The following CYFIP2 variants were observed in gnomAD, a reference collection of about 807,000 sequenced individuals.
CYFIP2 encodes the protein cytoplasmic FMR1-interacting protein 2.
A neutral mutation model predicts 158.7 loss-of-function variants in CYFIP2; 29 were observed. The ratio of observed to expected loss-of-function variants is 0.18; its 90% confidence interval spans 0.14 to 0.25. The LOEUF (loss-of-function observed/expected upper bound fraction) is 0.25. Ranked by LOEUF, CYFIP2 falls within the 10% of genes least tolerant of loss-of-function variation. The probability of loss-of-function intolerance (pLI) is 1.00; values close to 1 mark genes in which losing one functional copy is unlikely to be tolerated. For missense variants in CYFIP2, 852 were observed against 1,639.5 expected, an observed-to-expected ratio of 0.52 and a Z score of 8.29; for synonymous variants, 585 against 617.6, an observed-to-expected ratio of 0.95 and a Z score of 0.78.
At chr5:157,316,190 T>G (rs1760130194) in intron 13 of CYFIP2, among the ~76,000 whole-genome samples, 1 of 152,208 alleles carries the variant, frequency 6.6e-6, no homozygotes, top group African/African-American at 2.4e-5. Flanking sequence ...GAACAGCATA[T>G]CTGTAGTTTT....
Position 157,361,569 on chromosome 5 carries a change from C to G in CYFIP2, c.3010C>G (p.Leu1004Val). The change falls in exon 26 of 31, where the codon CTC (leucine) becomes GTC (valine). Residue 1004 changes from leucine (L) to valine (V), a missense_variant. This residue lies in a region of CYFIP2 where 223 missense variants were observed against 381.6 expected (regional missense o/e 0.58). Transcript: ENST00000620254. This position sits in a 1 kb window ranked among gnomAD's most constrained non-coding sequence, Gnocchi z 4.4. Reference sequence around the variant, plus strand: ...CCTGAGGGAAGTGGGCAATGCCATCCTCTTCTGCCTCCTCATAGAGCAAGC... The same window carrying G: ...CCTGAGGGAAGTGGGCAATGCCATCGTCTTCTGCCTCCTCATAGAGCAAGC... ...QSLREVGNAILFCLLIEQALS... is the reference protein window; with the variant it reads ...QSLREVGNAIVFCLLIEQALS... 1 of 1,614,002 alleles carries G rather than the reference C, an allele frequency of 6.2e-7. No individual in the cohort carries two copies. The highest frequency in any genetic ancestry group is 8.5e-7 in the Non-Finnish European group (1 of 1,179,922).
intron 18 of CYFIP2, among the ~76,000 whole-genome samples, chr5:157,326,820 G>A (rs755097817): frequency 1.3e-5 from 2 of 152,184 alleles, no homozygotes; most frequent in South Asian, 2.1e-4. Context: ...CAGAGGCCTC[G>A]GTGACCTGGG....
At chr5:157,286,167 G>A (rs73302162) in intron 2 of CYFIP2, among the ~76,000 whole-genome samples, 1 of 151,994 alleles carries the variant, frequency 6.6e-6, no homozygotes, top group African/African-American at 2.4e-5. Context: ...ATGCTTGAAG[G>A]TTCGGCCCAT....
At chr5:157,341,387 C>G (rs1762242049) in intron 23 of CYFIP2, among the ~76,000 whole-genome samples, 1 of 151,246 alleles carries the variant, frequency 6.6e-6, no homozygotes, top group Non-Finnish European at 1.5e-5. Context: ...CTGTCTCTAC[C>G]AAAAAAATAA....
intron 26 of CYFIP2, among the ~76,000 whole-genome samples, chr5:157,381,169 A>G (rs1234455603): frequency 1.3e-5 from 2 of 152,176 alleles, no homozygotes; most frequent in African/African-American, 4.8e-5. Context: ...TAGAATAAAA[A>G]TTGTGTTTTT....
intron 2 of CYFIP2, among the ~76,000 whole-genome samples, chr5:157,286,520 T>C (rs56666304): frequency 0.096 from 14,179 of 147,716 alleles, 766 homozygotes; most frequent in Middle Eastern, 0.15. Flanking sequence ...CTCATGGTAC[T>C]TAAAAGTCCA....
intron 13 of CYFIP2, among the ~76,000 whole-genome samples, chr5:157,319,426 A>C (rs907707457): frequency 6.6e-6 from 1 of 152,222 alleles, no homozygotes; most frequent in Non-Finnish European, 1.5e-5. Context: ...AAATGCTCAA[A>C]TTGTGGCCCA....
At chr5:157,338,978 C>T in intron 21 of CYFIP2, 79 bp from the exon 22 acceptor site, 1 of 1,415,516 alleles carries the variant, frequency 7.1e-7, no homozygotes, top group Non-Finnish European at 9.6e-7. Context: ...CTTGCGTGAA[C>T]AGAAGCAGTA....
intron 7 of CYFIP2, 98 bp downstream of exon 7, chr5:157,302,988 A>C: frequency 1.6e-5 from 14 of 878,780 alleles, no homozygotes; most frequent in Non-Finnish European, 2.4e-5. Flanking sequence ...AGACAAGCTC[A>C]GTCTGCAGCT....
chr5:157,294,458 T>C (rs1298373189), intron 3 of CYFIP2, among the ~76,000 whole-genome samples: 1 of 152,248 alleles, frequency 6.6e-6, no homozygotes, highest in African/African-American at 2.4e-5. Context: ...CTTATTTTCT[T>C]GCTAACATTA....
At chr5:157,291,569 T>C (rs1757818108) in intron 3 of CYFIP2, among the ~76,000 whole-genome samples, 1 of 152,246 alleles carries the variant, frequency 6.6e-6, no homozygotes, top group Admixed American at 6.5e-5. Context: ...GGCAGGTTGG[T>C]GCTACAAGTA....
intron 23 of CYFIP2, among the ~76,000 whole-genome samples, chr5:157,347,759 A>G (rs937675669): frequency 6.6e-6 from 1 of 152,260 alleles, no homozygotes; most frequent in Non-Finnish European, 1.5e-5. Context: ...TCCACTGTGG[A>G]ATTAAGATAC....
At chr5:157,286,382 A>AT (rs34257646) in intron 2 of CYFIP2, among the ~76,000 whole-genome samples, 32 of 147,244 alleles carry the variant, frequency 2.2e-4, no homozygotes, top group Admixed American at 1.8e-3. Context: ...ATATACATAT[A>AT]TTTTTTTTTT....
intron 28 of CYFIP2, among the ~76,000 whole-genome samples, chr5:157,388,436 T>C (rs1766912728): frequency 6.6e-6 from 1 of 152,220 alleles, no homozygotes; most frequent in South Asian, 2.1e-4. Flanking sequence ...CATATGCTCA[T>C]TGTAGCACAT....
In CYFIP2 at chr5:157,390,680, G is replaced by C; in HGVS notation, c.3594+12G>C. 1 of 1,579,544 alleles carries C rather than the reference G, an allele frequency of 6.3e-7. No individual in the cohort carries two copies. The highest frequency in any genetic ancestry group is 8.6e-7 in the Non-Finnish European group (1 of 1,162,242). ...TCATTAAGAATGTGGTGAGCAGGCT[G>C]GTGGCTAAGGCCTGGGAGGTGGGGC... On this transcript the variant is annotated intron_variant, in intron 30 of 30. Transcript: ENST00000620254.
chr5:157,332,760 C>G (rs909002855), intron 20 of CYFIP2, among the ~76,000 whole-genome samples: 3 of 152,166 alleles, frequency 2.0e-5, no homozygotes, highest in Admixed American at 2.0e-4. Flanking sequence ...CTTCCCACCT[C>G]CAGCCTCCCA....
At chr5:157,384,804 G>A in intron 28 of CYFIP2, 1 of 300,502 alleles carries the variant, frequency 3.3e-6, no homozygotes, top group South Asian at 3.1e-5. Context: ...GCCAGGCGTG[G>A]TGGCGGGCAC....
chr5:157,358,881 G>A, intron 23 of CYFIP2, 124 bp from the exon 24 acceptor site: 1 of 1,250,702 alleles, frequency 8.0e-7, no homozygotes, highest in Non-Finnish European at 1.1e-6. Flanking sequence ...ATATTCATGG[G>A]GCTCCAGTGA....
Position 157,384,660 on chromosome 5 carries a change from C to T in CYFIP2, c.3207+1301C>T, listed in dbSNP as rs776356588. ...TGGTGATTAAAAGCTAATCATGGGGCCGGGCGCGGTGGCTCACACCTGTAA... is the reference window on the plus strand; with the variant it reads ...TGGTGATTAAAAGCTAATCATGGGGTCGGGCGCGGTGGCTCACACCTGTAA... On this transcript the variant is annotated intron_variant, in intron 28 of 30. Coordinates refer to ENST00000620254, the MANE Select transcript of CYFIP2 (RefSeq NM_001037333.3). 119 of 384,406 alleles carry T rather than the reference C, an allele frequency of 3.1e-4. No individual in the cohort carries two copies. In the Middle Eastern group the frequency reaches 4.7e-3, roughly 15 times the overall value. 23.8% of individuals were successfully genotyped at this position (384,406 alleles called of 1,614,324 possible).
Sources: gnomAD v4.1 joint callset for allele counts (sites outside exome capture counted in the v4.1 genomes callset) on GRCh38, gnomAD v4.1.1 for gene constraint, gnomAD v4.1.1 regional missense constraint, Gnocchi (gnomAD v3.1) non-coding constraint, MANE v1.5 for transcripts, NCBI Gene and HGNC (gene_info 2026-07-23, HGNC 2026-07-21) for gene names.